NRG1: variants seen among roughly 807,000 people sequenced by gnomAD.
NRG1 encodes the protein pro-neuregulin-1, membrane-bound isoform.
NRG1 carries 18 observed loss-of-function variants against 63.8 expected under a neutral mutation model. That is an observed-to-expected ratio of 0.28 (90% confidence interval 0.19 to 0.42). The LOEUF (loss-of-function observed/expected upper bound fraction) is 0.42, where lower values mean the gene tolerates loss of function less well. NRG1 is among the 10% of genes least tolerant of loss of function. The pLI is 1.00. For synonymous variants in NRG1, 302 were observed against 301.3 expected, an observed-to-expected ratio of 1.00 and a Z score of -0.02; for missense variants, 762 against 814.7, an observed-to-expected ratio of 0.94 and a Z score of 0.79.
At chr8:31,761,646 C>A (rs1035354952) in intron 1 of NRG1, among the ~76,000 whole-genome samples, 19 of 152,052 alleles carry the variant, frequency 1.2e-4, no homozygotes, top group African/African-American at 4.6e-4. Context: ...TTAGAACACA[C>A]ATAACATTTG....
chr8:32,025,608 ATTTT>A (rs566432339), intron 1 of NRG1, among the ~76,000 whole-genome samples: 7 of 150,552 alleles, frequency 4.6e-5, no homozygotes, highest in African/African-American at 1.7e-4. Flanking sequence ...ATGGAAGTCG[ATTTT>A]TTTTTTTTTT....
At chr8:31,803,175 T>G (rs1265556341) in intron 1 of NRG1, among the ~76,000 whole-genome samples, 1 of 152,176 alleles carries the variant, frequency 6.6e-6, no homozygotes, top group East Asian at 1.9e-4. Context: ...AAGCAGGGAG[T>G]ATAATAGGGA....
At chr8:31,705,033 T>G (rs1811007955) in intron 1 of NRG1, among the ~76,000 whole-genome samples, 1 of 151,750 alleles carries the variant, frequency 6.6e-6, no homozygotes, top group East Asian at 2.0e-4. Flanking sequence ...AAGGTTTTTT[T>G]GTTTTGTTTT....
intron 1 of NRG1, among the ~76,000 whole-genome samples, chr8:31,806,352 A>G (rs1586548778): frequency 6.6e-6 from 1 of 152,182 alleles, no homozygotes; most frequent in African/African-American, 2.4e-5. Context: ...AAATATTGGC[A>G]TATAGTGTTC....
At chr8:32,276,614 TCTGC>T (rs1852124632) in intron 1 of NRG1, among the ~76,000 whole-genome samples, 1 of 152,134 alleles carries the variant, frequency 6.6e-6, no homozygotes, top group African/African-American at 2.4e-5. Flanking sequence ...CAAATGACCT[TCTGC>T]CTGAGCCTAC....
rs545838945 is a variant in NRG1, at chr8:32,559,245, T to TAAAAAAAAAAAAAAAAAAAAAAAA, written c.100+10437_100+10438insAAAAAAAAAAAAAAAAAAAAAAAA. ...TAGTATGTCATCTCACTCTAAAATG[T>TAAAAAAAAAAAAAAAAAAAAAAAA]AAAAAAAAAAAAAAAAAATCACTAC... On this transcript the variant is annotated intron_variant, in intron 1 of 11. Coordinates refer to ENST00000356819, the Ensembl canonical transcript of NRG1. Among the ~76,000 whole-genome samples the TAAAAAAAAAAAAAAAAAAAAAAAA allele has an allele frequency of 3.2e-4, 31 of 96,742 alleles. 6 individuals are homozygous for TAAAAAAAAAAAAAAAAAAAAAAAA. The South Asian group carries it at 4.3e-3, about 13-fold the overall frequency. 63.5% of individuals were successfully genotyped at this position (96,742 alleles called of 152,430 possible). A position where few individuals can be genotyped will look rare whatever the true frequency, so the allele number is the denominator to read the frequency against.
intron 5 of NRG1, among the ~76,000 whole-genome samples, chr8:32,678,189 A>T (rs1271622310): frequency 2.0e-5 from 3 of 152,186 alleles, no homozygotes; most frequent in Non-Finnish European, 4.4e-5. Flanking sequence ...CAAGTCAAGT[A>T]GAGTATAAAT....
intron 1 of NRG1, among the ~76,000 whole-genome samples, chr8:32,142,759 T>A (rs1236146349): frequency 6.6e-6 from 1 of 152,202 alleles, no homozygotes; most frequent in Non-Finnish European, 1.5e-5. Flanking sequence ...TTGTGAGAAT[T>A]TGGTCTCTGA....
chr8:31,833,358 A>T (rs1359855044), intron 1 of NRG1, among the ~76,000 whole-genome samples: 1 of 152,312 alleles, frequency 6.6e-6, no homozygotes, highest in East Asian at 1.9e-4. Flanking sequence ...GTTATTATGA[A>T]TATCCTTCTG....
intron 1 of NRG1, among the ~76,000 whole-genome samples, chr8:32,027,702 G>GTGA (rs538204747): frequency 7.0e-4 from 106 of 152,170 alleles, no homozygotes; most frequent in African/African-American, 2.6e-3. Context: ...GGAATACTGG[G>GTGA]TGATGAAGGC....
intron 1 of NRG1, among the ~76,000 whole-genome samples, chr8:31,743,495 A>C (rs1815511967): frequency 6.6e-6 from 1 of 151,990 alleles, no homozygotes. Context: ...TTATGTGCAC[A>C]CTAAGACTAG....
chr8:31,686,589 A>G (rs1398738733), intron 1 of NRG1, among the ~76,000 whole-genome samples: 2 of 152,102 alleles, frequency 1.3e-5, no homozygotes, highest in African/African-American at 4.8e-5. Flanking sequence ...TCCTATTATT[A>G]ATATTTTAAA....
intron 1 of NRG1, among the ~76,000 whole-genome samples, chr8:31,797,868 C>A (rs1821382801): frequency 6.6e-6 from 1 of 152,162 alleles, no homozygotes; most frequent in Admixed American, 6.5e-5. Context: ...GAATGAAATT[C>A]TGTCATTCAC....
In NRG1 at chr8:32,283,550, T is replaced by C. The variant is rs114992244; in HGVS notation, c.38-312278T>C. ...AAAATATATTTGGGGCTCAACTCTG[T>C]TAGCCATCAAAGGTAGTACAAAACA... On this transcript the variant is annotated intron_variant, in intron 1 of 10. Coordinates refer to the NRG1 transcript ENST00000519301. 5.2e-3 allele frequency among the ~76,000 whole-genome samples: 786 copies of C among 152,270 alleles called. 9 individuals carry two copies. The highest frequency in any genetic ancestry group is 0.018 in the African/African-American group (750 of 41,542).
chr8:31,834,948 T>C (rs1054912068), intron 1 of NRG1, among the ~76,000 whole-genome samples: 2 of 152,294 alleles, frequency 1.3e-5, no homozygotes, highest in South Asian at 2.1e-4. Context: ...CCTTTTCCTA[T>C]AGAATCACAA....
intron 5 of NRG1, among the ~76,000 whole-genome samples, chr8:32,668,749 C>T (rs1397291385): frequency 6.6e-6 from 1 of 151,886 alleles, no homozygotes; most frequent in African/African-American, 2.4e-5. Context: ...TAGGAGTTTC[C>T]TTCTCTGTAA....
chr8:32,254,064 A>G (rs1474552659), intron 1 of NRG1, among the ~76,000 whole-genome samples: 3 of 151,784 alleles, frequency 2.0e-5, no homozygotes, highest in African/African-American at 7.3e-5. Context: ...TATTGTGTCT[A>G]TTTGATTCTT....
intron 5 of NRG1, among the ~76,000 whole-genome samples, chr8:32,622,528 T>TA (rs1463157538): frequency 1.3e-5 from 2 of 151,958 alleles, no homozygotes; most frequent in African/African-American, 4.8e-5. Flanking sequence ...TCAGCCTCCC[T>TA]AGTAGCTGGG....
intron 3 of NRG1, 109 bp from the exon 4 acceptor site, chr8:32,614,405 G>C: frequency 9.8e-7 from 1 of 1,018,112 alleles, no homozygotes; most frequent in South Asian, 1.4e-5. Flanking sequence ...TCACTCCCTT[G>C]CAATACTTCC....
Sources: gnomAD v4.1 joint callset for allele counts (sites outside exome capture counted in the v4.1 genomes callset) on GRCh38, gnomAD v4.1.1 for gene constraint, MANE v1.5 for transcripts, NCBI Gene and HGNC (gene_info 2026-07-23, HGNC 2026-07-21) for gene names.